Variants in GCNT2 observed in about 807,000 individuals in gnomAD.
GCNT2 encodes N-acetyllactosaminide beta-1,6-N-acetylglucosaminyl-transferase.
In GCNT2, 34 loss-of-function variants were observed where a neutral mutation model predicts 34.2. The ratio of observed to expected loss-of-function variants is 1.00; its 90% confidence interval spans 0.76 to 1.32. GCNT2 has a LOEUF of 1.32. Ranked by LOEUF, GCNT2 falls within the 40% of genes most tolerant of loss-of-function variation. The pLI, the probability that GCNT2 is intolerant of heterozygous loss-of-function variation, is 0.00. For synonymous variants in GCNT2, 212 were observed against 188.0 expected, an observed-to-expected ratio of 1.13 and a Z score of -1.04; for missense variants, 584 against 489.4, an observed-to-expected ratio of 1.19 and a Z score of -1.82.
chr6:10,564,465 C>T (rs1159674081), intron 3 of GCNT2, among the ~76,000 whole-genome samples: 1 of 152,174 alleles, frequency 6.6e-6, no homozygotes, highest in African/African-American at 2.4e-5. Flanking sequence ...GTGTAGAAGT[C>T]AAGGGCTCAG....
chr6:10,543,572 A>G (rs1762132436), intron 3 of GCNT2, among the ~76,000 whole-genome samples: 1 of 152,156 alleles, frequency 6.6e-6, no homozygotes, highest in South Asian at 2.1e-4. Flanking sequence ...CATGCCCACC[A>G]TCAGTGTATG....
chr6:10,601,718 G>T (rs944234876), intron 3 of GCNT2, among the ~76,000 whole-genome samples: 1 of 152,086 alleles, frequency 6.6e-6, no homozygotes, highest in African/African-American at 2.4e-5. Context: ...GAGGCAGGTG[G>T]ATCACAAGGT....
At chr6:10,573,151 G>A (rs1349775159) in intron 3 of GCNT2, 2 of 954,700 alleles carry the variant, frequency 2.1e-6, no homozygotes, top group African/African-American at 1.9e-5. Flanking sequence ...TATAAAGGAT[G>A]GGATGTTCTA....
At chr6:10,558,658 G>T (rs1374124496) in intron 3 of GCNT2, among the ~76,000 whole-genome samples, 1 of 152,210 alleles carries the variant, frequency 6.6e-6, no homozygotes, top group African/African-American at 2.4e-5. Flanking sequence ...CATTGTTCTG[G>T]CTGTTGGGGG....
At chr6:10,523,407 C>G (rs1761020491) in intron 1 of GCNT2, among the ~76,000 whole-genome samples, 1 of 135,258 alleles carries the variant, frequency 7.4e-6, no homozygotes, top group South Asian at 2.6e-4. Context: ...GACGGGGCAA[C>G]AAGAGCGAAA....
At chr6:10,543,489 C>T (rs1762128849) in intron 3 of GCNT2, among the ~76,000 whole-genome samples, 1 of 152,188 alleles carries the variant, frequency 6.6e-6, no homozygotes, top group African/African-American at 2.4e-5. Flanking sequence ...CTGTACCTAG[C>T]CCCCAATGTT....
chr6:10,530,753 T>C (rs184664934), intron 3 of GCNT2, among the ~76,000 whole-genome samples: 106 of 151,932 alleles, frequency 7.0e-4, no homozygotes, highest in African/African-American at 2.5e-3. Flanking sequence ...AAAAACCTTA[T>C]TGCACCTTAA....
intron 3 of GCNT2, among the ~76,000 whole-genome samples, chr6:10,576,531 C>G (rs1763820630): frequency 6.6e-6 from 1 of 151,780 alleles, no homozygotes; most frequent in African/African-American, 2.4e-5. Flanking sequence ...ATTAAAAAAA[C>G]AAAAATCTAT....
At position 10,528,759 on chromosome 6, in the gene GCNT2, C is replaced by G. The variant is rs1761320122; in HGVS notation, c.-153C>G. The G allele has an allele frequency of 2.9e-6, 2 of 698,910 alleles. No homozygotes were observed. Among genetic ancestry groups the G allele is most frequent in the South Asian group, 1.5e-5 (1 of 64,700 alleles). 43.3% of individuals were successfully genotyped at this position (698,910 alleles called of 1,614,324 possible). A position where few individuals can be genotyped will look rare whatever the true frequency, so the allele number is the denominator to read the frequency against. ...GAGGGGAAGAAGAAAGAAAAAGGAC[C>G]AGAACCGTGAACTGAAGGGACAGGG... On this transcript the variant is annotated 5_prime_UTR_variant, in exon 3 of 5. Coordinates refer to ENST00000495262, the MANE Select transcript of GCNT2 (RefSeq NM_145649.5).
chr6:10,613,707 T>C (rs1020993022), intron 3 of GCNT2, among the ~76,000 whole-genome samples: 2 of 152,156 alleles, frequency 1.3e-5, no homozygotes, highest in African/African-American at 4.8e-5. Context: ...ATGAAACTTG[T>C]TTGCTTTATA....
intron 3 of GCNT2, among the ~76,000 whole-genome samples, chr6:10,617,746 TCTTC>T (rs375821694): frequency 2.4e-4 from 28 of 115,386 alleles, no homozygotes; most frequent in Middle Eastern, 4.3e-3. Context: ...AGTCTGCATT[TCTTC>T]TTTTTTTTTT....
chr6:10,627,280 T>C lies in GCNT2; in HGVS notation c.*673T>C, dbSNP rs963924572. 1.3e-5 allele frequency: 2 copies of C among 152,524 alleles called. No homozygotes were observed. The highest frequency in any genetic ancestry group is 6.5e-5 in the Admixed American group (1 of 15,328). The allele number at this position is 152,524 out of a possible 1,614,324, so 9.4% of individuals were successfully genotyped here. A position where few individuals can be genotyped will look rare whatever the true frequency, so the allele number is the denominator to read the frequency against. ...CTCGGGGAATAAAACATTTCTCTCT[T>C]ATATGCCAGAATGTAGGCTGGTCCC... On this transcript the variant is annotated 3_prime_UTR_variant, in exon 5 of 5. Transcript: ENST00000495262.
intron 3 of GCNT2, among the ~76,000 whole-genome samples, chr6:10,599,185 A>T (rs1478038434): frequency 6.6e-6 from 1 of 151,950 alleles, no homozygotes; most frequent in Non-Finnish European, 1.5e-5. Context: ...AAGGAATGAG[A>T]GGAGCAGAGT....
rs182932444 is a variant in GCNT2 at position 10,597,803 on chromosome 6, G to A, written c.926-23548G>A. Among the ~76,000 whole-genome samples, 301 of 152,312 alleles carry A rather than the reference G, an allele frequency of 2.0e-3. 1 individual carries two copies. The highest frequency in any genetic ancestry group is 7.2e-3 in the African/African-American group (298 of 41,556). On this transcript the variant is annotated intron_variant, in intron 3 of 4. Transcript: ENST00000495262. ...TGACCCCAGAAGACACTAAGGATTG[G>A]AACAGTAGCTCATGAACTTTGACTT...
At chr6:10,603,817 C>CTT (rs571206713) in intron 3 of GCNT2, among the ~76,000 whole-genome samples, 29 of 114,696 alleles carry the variant, frequency 2.5e-4, no homozygotes, top group South Asian at 8.8e-4. Flanking sequence ...GCCTGACAGT[C>CTT]TTTTTTTTTT....
At chr6:10,548,716 T>G (rs67877913) in intron 3 of GCNT2, among the ~76,000 whole-genome samples, 4,194 of 152,352 alleles carry the variant, frequency 0.028, 93 homozygotes, top group African/African-American at 0.06. Context: ...GCAGTTGTAT[T>G]TCATTCATTC....
intron 1 of GCNT2, among the ~76,000 whole-genome samples, chr6:10,524,804 G>C (rs1328788633): frequency 1.3e-5 from 2 of 151,776 alleles, no homozygotes; most frequent in Non-Finnish European, 2.9e-5. Flanking sequence ...ACTCCAGCCT[G>C]AGTCACAAAA....
intron 3 of GCNT2, among the ~76,000 whole-genome samples, chr6:10,542,532 A>G (rs74678653): frequency 0.01 from 1,556 of 152,148 alleles, 26 homozygotes; most frequent in African/African-American, 0.036. Context: ...CCATTTCCAC[A>G]CCCAACCCCT....
At position 10,616,698 on chromosome 6, in the gene GCNT2, G is replaced by A. The variant is rs1190270132; in HGVS notation, c.926-4653G>A. ...CGATTGGTGCACTCACAAACCCTGA[G>A]CTAGACACAGGGTGCTGATTGGTGT... On this transcript the variant is annotated intron_variant, in intron 3 of 4. Coordinates refer to ENST00000495262, the MANE Select transcript of GCNT2 (RefSeq NM_145649.5). 2.0e-5 allele frequency among the ~76,000 whole-genome samples: 3 copies of A among 152,220 alleles called. 1 individual carries two copies. Among genetic ancestry groups the A allele is most frequent in the African/African-American group, 7.2e-5 (3 of 41,464 alleles).
Sources: gnomAD v4.1 joint callset for allele counts (sites outside exome capture counted in the v4.1 genomes callset) on GRCh38, gnomAD v4.1.1 for gene constraint, MANE v1.5 for transcripts, NCBI Gene and HGNC (gene_info 2026-07-23, HGNC 2026-07-21) for gene names.